Variants in GCN1 observed in about 807,000 individuals in gnomAD.
GCN1 encodes stalled ribosome sensor GCN1.
GCN1 carries 90 observed loss-of-function variants against 288.4 expected under a neutral mutation model. The ratio of observed to expected loss-of-function variants is 0.31; its 90% CI spans 0.26 to 0.37. GCN1 has a LOEUF of 0.37. Among genes scored for constraint, GCN1 ranks in the 10% least tolerant of loss-of-function variants. The probability of loss-of-function intolerance (pLI) is 1.00; values close to 1 mark genes in which losing one functional copy is unlikely to be tolerated. For missense variants in GCN1, 2,586 were observed against 3,419.9 expected (o/e 0.76, Z 6.08); for synonymous variants, 1,386 against 1,420.2 (o/e 0.98, Z 0.54).
At chr12:120,193,142 C>G (rs1212392435) in intron 1 of GCN1, among the ~76,000 whole-genome samples, 1 of 152,194 alleles carries the variant, frequency 6.6e-6, no homozygotes, top group Admixed American at 6.5e-5. Flanking sequence ...CACCTGAGGT[C>G]AGGAATTCGA....
At chr12:120,181,308 T>C (rs1411487852) in intron 5 of GCN1, among the ~76,000 whole-genome samples, 1 of 149,654 alleles carries the variant, frequency 6.7e-6, no homozygotes, top group East Asian at 2.0e-4. Context: ...TCTAAAAAAA[T>C]ACAAAAATCA....
chr12:120,149,422 A>C (rs2269943), intron 36 of GCN1, among the ~76,000 whole-genome samples, 184 bp downstream of exon 36: 23,480 of 152,000 alleles, frequency 0.15, 2,085 homozygotes, highest in East Asian at 0.44. Context: ...TTTGAGCCCC[A>C]AAGGTAAAGA....
Position 120,137,116 on chromosome 12 carries a change from G to T in GCN1, c.6777+90C>A. The T allele has an allele frequency of 2.3e-6, 2 of 885,972 alleles. No homozygotes were observed. The highest frequency in any genetic ancestry group is 1.9e-6 in the Non-Finnish European group (1 of 531,108). 54.9% of individuals were successfully genotyped at this position (885,972 alleles called of 1,614,324 possible). ...AACCACCACGGCTACTGCTCCAGCA[G>T]CCCCTACCGCAGACCTGGGACAGGG... On this transcript the variant is annotated intron_variant, in intron 50 of 57. Transcript: ENST00000300648. The surrounding 1 kb of genome is among the most constrained non-coding windows in gnomAD (Gnocchi z 5.2).
intron 6 of GCN1, 45 bp downstream of exon 6, chr12:120,178,807 T>A: frequency 6.2e-7 from 1 of 1,613,370 alleles, no homozygotes; most frequent in Non-Finnish European, 8.5e-7. Context: ...AGTGGGGGAG[T>A]GGCATGGAAG....
Position 120,158,179 on chromosome 12 carries a change from G to A in GCN1, c.2906-149C>T. On this transcript the variant is annotated intron_variant, in intron 25 of 57. Coordinates refer to ENST00000300648, the MANE Select transcript of GCN1 (RefSeq NM_006836.2). This position sits in a 1 kb window ranked among gnomAD's most constrained non-coding sequence, Gnocchi z 4.3. ...AGCACATGGCACGAGGACAGAGACA[G>A]CAGCTGGTAGTCCAGTTCTAAAACC... is the stretch of plus-strand genomic sequence containing the variant. 1 of 741,436 alleles carries A rather than the reference G, an allele frequency of 1.3e-6. No individual in the cohort carries two copies. The highest frequency in any genetic ancestry group is 2.2e-6 in the Non-Finnish European group (1 of 459,398). The allele number at this position is 741,436 out of a possible 1,614,324, so 45.9% of individuals were successfully genotyped here.
Position 120,161,692 on chromosome 12 carries a change from C to G in GCN1, c.2343-109G>C, listed in dbSNP as rs78551730. On this transcript the variant is annotated intron_variant, in intron 21 of 57. Coordinates refer to ENST00000300648, the MANE Select transcript of GCN1 (RefSeq NM_006836.2). ...AGCTGTTAAGCACTGTGCACCAGCA[C>G]AGTGCCGGATACTGGACACACTTAA... 2,141 of 943,536 alleles carry G rather than the reference C, an allele frequency of 2.3e-3. 27 individuals carry two copies. The African/African-American group carries it at 0.03, about 13-fold the overall frequency. 58.4% of individuals were successfully genotyped at this position (943,536 alleles called of 1,614,324 possible).
chr12:120,142,425 C>T lies in GCN1; in HGVS notation c.5829+82G>A. ...TTAGGCAGGGTGGATGGGTACTTTCCCAGGCTCTGCAGACCCAGCCTTCTA... is the reference window on the plus strand; with the variant it reads ...TTAGGCAGGGTGGATGGGTACTTTCTCAGGCTCTGCAGACCCAGCCTTCTA... On this transcript the variant is annotated intron_variant, in intron 44 of 57. Coordinates refer to ENST00000300648, the MANE Select transcript of GCN1 (RefSeq NM_006836.2). This position sits in a 1 kb window ranked among gnomAD's most constrained non-coding sequence, Gnocchi z 4.9. The T allele has an allele frequency of 3.1e-6, 3 of 980,308 alleles. No individual in the cohort carries two copies. The highest frequency in any genetic ancestry group is 4.9e-6 in the Non-Finnish European group (3 of 612,114). The allele number at this position is 980,308 out of a possible 1,614,324, so 60.7% of individuals were successfully genotyped here. A position where few individuals can be genotyped will look rare whatever the true frequency, so the allele number is the denominator to read the frequency against.
At position 120,168,300 on chromosome 12, in the gene GCN1, T is replaced by C. The variant is rs750611928; in HGVS notation, c.1520A>G (p.Glu507Gly). ...LKLSVADSQA[E>G]AKLSSFWQLI... ...CTGCCAGAAACTGCTCAGTTTGGCC[T>C]CTGCAAGAAACAAAAGGTTACCCCA... is the stretch of plus-strand genomic sequence containing the variant. The change falls in exon 16 of 58, where the codon GAG becomes GGG. Residue 507 changes from glutamate (E) to glycine (G), a missense_variant and splice_region_variant. Physicochemically the swap from Glu to Gly is moderately conservative, Grantham distance 98 (BLOSUM62 -2). This residue lies in a region of GCN1 where 913 missense variants were observed against 1,107.0 expected (regional missense o/e 0.82). Coordinates refer to ENST00000300648, the MANE Select transcript of GCN1 (RefSeq NM_006836.2). The C allele has an allele frequency of 6.3e-7, 1 of 1,589,326 alleles. No homozygotes were observed. Among genetic ancestry groups the C allele is most frequent in the Non-Finnish European group, 8.6e-7 (1 of 1,157,454 alleles).
At chr12:120,149,525 A>G in intron 36 of GCN1, 81 bp downstream of exon 36, 2 of 950,324 alleles carry the variant, frequency 2.1e-6, no homozygotes, top group Non-Finnish European at 3.4e-6. Context: ...ACAGGACAAG[A>G]GCTGTGGCTA....
rs1427179972 is a variant in GCN1, at chr12:120,158,446, G to C, written c.2905+14C>G. The C allele has an allele frequency of 2.6e-6, 4 of 1,541,914 alleles. No individual in the cohort carries two copies. The highest frequency in any genetic ancestry group is 3.5e-6 in the Non-Finnish European group (4 of 1,141,980). On this transcript the variant is annotated intron_variant, in intron 25 of 57. Coordinates refer to ENST00000300648, the MANE Select transcript of GCN1 (RefSeq NM_006836.2). The surrounding 1 kb of genome is among the most constrained non-coding windows in gnomAD (Gnocchi z 4.3). The stretch of plus-strand genomic sequence containing the variant: ...CACACCGCCTGGTGCCCCTGATCCC[G>C]TCCCAGCCCTTACCTGGCTCCCCCT...
intron 1 of GCN1, among the ~76,000 whole-genome samples, chr12:120,192,437 T>C (rs1566323766): frequency 6.6e-6 from 1 of 152,218 alleles, no homozygotes; most frequent in Non-Finnish European, 1.5e-5. Context: ...TTTAGAATAC[T>C]GAAGACAAGG....
chr12:120,190,509 T>C, intron 1 of GCN1, 109 bp from the exon 2 acceptor site: 1 of 700,516 alleles, frequency 1.4e-6, no homozygotes, highest in East Asian at 2.5e-5. Context: ...CTGGGGTTTC[T>C]CAACCTCCCC....
In GCN1 at chr12:120,131,309, ATCCAGTCAAT is replaced by A. The variant is rs751843991; in HGVS notation, c.7429_7438del (p.Ile2477TrpfsTer14). 6.2e-7 allele frequency: 1 copy of A among 1,614,092 alleles called. No homozygotes were observed. The highest frequency in any genetic ancestry group is 8.5e-7 in the Non-Finnish European group (1 of 1,180,030). ...TGCCAGGCTCCGCCCGTGCCGAACC[ATCCAGTCAAT>A]GCCGGACACGTCCGCTGGGTGGAAG... On this transcript the variant is annotated frameshift_variant, in exon 55 of 58. Transcript: ENST00000300648. LOFTEE classifies it high-confidence loss of function.
At chr12:120,152,028 G>A (rs932172855) in intron 33 of GCN1, among the ~76,000 whole-genome samples, 4 of 151,894 alleles carry the variant, frequency 2.6e-5, no homozygotes, top group Non-Finnish European at 4.4e-5. Flanking sequence ...GTTTTTTGTT[G>A]TTTTTTGTTT....
In GCN1 at chr12:120,159,628, G is replaced by T. The variant is rs568932376; in HGVS notation, c.2749+197C>A. Among the ~76,000 whole-genome samples the T allele has an allele frequency of 5.3e-5, 8 of 152,350 alleles. No homozygotes were observed. In the East Asian group the frequency reaches 1.5e-3, roughly 29 times the overall value. Reference sequence around the variant, plus strand: ...CTCCTCAGAGGGAGGGCACAGATGTGAAGTGGGAGAGAAGAGGAGGCACTA... The same window carrying T: ...CTCCTCAGAGGGAGGGCACAGATGTTAAGTGGGAGAGAAGAGGAGGCACTA... On this transcript the variant is annotated intron_variant, in intron 24 of 57. Coordinates refer to ENST00000300648, the MANE Select transcript of GCN1 (RefSeq NM_006836.2).
intron 45 of GCN1, among the ~76,000 whole-genome samples, chr12:120,140,165 A>C (rs1033977352): frequency 6.6e-6 from 1 of 152,220 alleles, no homozygotes; most frequent in Non-Finnish European, 1.5e-5. Flanking sequence ...GAATTCAGAC[A>C]AGGATGCCCA....
chr12:120,180,300 G>A (rs1362137642), intron 5 of GCN1, among the ~76,000 whole-genome samples: 1 of 151,656 alleles, frequency 6.6e-6, no homozygotes, highest in Non-Finnish European at 1.5e-5. Flanking sequence ...CTCCAGCCTG[G>A]GCAACGAGAG....
intron 56 of GCN1, among the ~76,000 whole-genome samples, chr12:120,129,846 G>A (rs977991169): frequency 2.0e-5 from 3 of 152,120 alleles, no homozygotes; most frequent in Admixed American, 1.3e-4. Context: ...CTTTAGAGGT[G>A]CCCCCTGCCA....
chr12:120,165,305 G>A (rs1251944456), intron 16 of GCN1, among the ~76,000 whole-genome samples: 2 of 152,262 alleles, frequency 1.3e-5, no homozygotes, highest in African/African-American at 4.8e-5. Context: ...TAAGTGTTGG[G>A]ATTACAGGCG....
Sources: allele counts gnomAD v4.1 joint callset (sites outside exome capture counted in the v4.1 genomes callset), GRCh38; gene constraint gnomAD v4.1.1; regional missense constraint gnomAD v4.1.1; non-coding constraint Gnocchi (gnomAD v3.1); transcripts MANE v1.5; gene names NCBI Gene and HGNC (gene_info 2026-07-23, HGNC 2026-07-21).